The following ZCCHC7 variants were observed in gnomAD, a reference collection of about 807,000 sequenced individuals.
ZCCHC7 encodes zinc finger CCHC domain-containing protein 7.
A neutral mutation model predicts 52.0 loss-of-function variants in ZCCHC7; 35 were observed. That is an observed-to-expected ratio of 0.67 (90% CI 0.51 to 0.89). The LOEUF is 0.89. ZCCHC7 is among the 40% of genes least tolerant of loss of function. The pLI is 0.00. For missense variants in ZCCHC7, 574 were observed against 649.1 expected (o/e 0.88, Z 1.26); for synonymous variants, 217 against 221.5 (o/e 0.98, Z 0.18).
intron 2 of ZCCHC7, among the ~76,000 whole-genome samples, chr9:37,229,896 C>G (rs1825315372): frequency 6.6e-6 from 1 of 152,172 alleles, no homozygotes; most frequent in Non-Finnish European, 1.5e-5. Context: ...TATCCTTATT[C>G]TATAAGCTTT....
At chr9:37,339,701 A>C (rs1564265420) in intron 6 of ZCCHC7, among the ~76,000 whole-genome samples, 1 of 152,196 alleles carries the variant, frequency 6.6e-6, no homozygotes. Context: ...TTGCTTTTTA[A>C]TATATGTCAT....
intron 2 of ZCCHC7, among the ~76,000 whole-genome samples, chr9:37,196,701 C>G (rs1366468941): frequency 7.2e-5 from 11 of 151,944 alleles, no homozygotes; most frequent in Admixed American, 7.2e-4. Flanking sequence ...TAACTTTTTG[C>G]CCTGTGTTCA....
At chr9:37,338,518 A>G (rs771203728) in intron 6 of ZCCHC7, among the ~76,000 whole-genome samples, 3 of 152,206 alleles carry the variant, frequency 2.0e-5, no homozygotes, top group Non-Finnish European at 4.4e-5. Flanking sequence ...CCATTGGTTT[A>G]TAAAATTTCA....
chr9:37,310,806 A>G (rs1408900072), intron 5 of ZCCHC7, among the ~76,000 whole-genome samples: 1 of 151,884 alleles, frequency 6.6e-6, no homozygotes, highest in East Asian at 1.9e-4. Context: ...AAAATTTAAA[A>G]ATTAGCCAGG....
intron 2 of ZCCHC7, among the ~76,000 whole-genome samples, chr9:37,282,829 G>C (rs934594074): frequency 6.6e-6 from 1 of 151,016 alleles, no homozygotes; most frequent in African/African-American, 2.4e-5. Flanking sequence ...AAAAAAAGGC[G>C]GGGGGAGTGA....
At chr9:37,184,290 G>A (rs1291665150) in intron 2 of ZCCHC7, among the ~76,000 whole-genome samples, 4 of 151,574 alleles carry the variant, frequency 2.6e-5, no homozygotes, top group Non-Finnish European at 5.9e-5. Flanking sequence ...TATATCATCT[G>A]ATGATTCAGG....
chr9:37,354,469 G>A lies in ZCCHC7; in HGVS notation c.1084-241G>A, dbSNP rs547090546. Reference sequence around the variant, plus strand: ...GGCAGAAAAGGCTGAAAAAAGATACGAAGGGTTTCATAGGTAAAGAAGTAA... The same window carrying A: ...GGCAGAAAAGGCTGAAAAAAGATACAAAGGGTTTCATAGGTAAAGAAGTAA... On this transcript the variant is annotated intron_variant, in intron 7 of 8. Coordinates refer to ENST00000336755, the MANE Select transcript of ZCCHC7 (RefSeq NM_032226.3). This position sits in a 1 kb window ranked among gnomAD's most constrained non-coding sequence, Gnocchi z 4.0. Among the ~76,000 whole-genome samples the A allele has an allele frequency of 5.3e-5, 8 of 152,288 alleles. No homozygotes were observed. The highest frequency in any genetic ancestry group is 2.1e-4 in the South Asian group (1 of 4,830).
At chr9:37,324,735 C>A (rs1167477708) in intron 5 of ZCCHC7, among the ~76,000 whole-genome samples, 1 of 152,128 alleles carries the variant, frequency 6.6e-6, no homozygotes, top group African/African-American at 2.4e-5. Context: ...GTGTTCCCAG[C>A]AGGGCTGCGT....
intron 2 of ZCCHC7, among the ~76,000 whole-genome samples, chr9:37,228,980 C>T (rs953502859): frequency 3.3e-5 from 5 of 151,540 alleles, no homozygotes; most frequent in South Asian, 2.1e-4. Flanking sequence ...GGACTATAGG[C>T]GCCTGCCACC....
intron 4 of ZCCHC7, among the ~76,000 whole-genome samples, chr9:37,304,690 A>G (rs576586356): frequency 5.9e-5 from 9 of 152,126 alleles, no homozygotes; most frequent in Non-Finnish European, 8.8e-5. Context: ...GTGAAACCCT[A>G]TAACCTTAGA....
Position 37,126,327 on chromosome 9 carries a change from CTT to C in ZCCHC7, c.-2_-1del, listed in dbSNP as rs1226914055. The stretch of plus-strand genomic sequence containing the variant: ...TCTTTTGCAGCTTCAAGGTTACTGA[CTT>C]TTTATGATGTTTGGTGGCTATGAGA... On this transcript the variant is annotated 5_prime_UTR_variant, in exon 2 of 9. Coordinates refer to ENST00000336755, the MANE Select transcript of ZCCHC7 (RefSeq NM_032226.3). The C allele has an allele frequency of 2.5e-6, 4 of 1,605,586 alleles. No individual in the cohort carries two copies. In the African/African-American group the frequency reaches 5.4e-5, roughly 22 times the overall value.
intron 8 of ZCCHC7, among the ~76,000 whole-genome samples, chr9:37,356,052 C>T (rs756247976): frequency 5.3e-5 from 8 of 151,832 alleles, no homozygotes; most frequent in Admixed American, 2.0e-4. Context: ...CTAGTTGTAT[C>T]GACGTCTGTA....
At chr9:37,120,183 C>A (rs1218916070), upstream of ZCCHC7, among the ~76,000 whole-genome samples, 1 of 152,170 alleles carries the variant, frequency 6.6e-6, no homozygotes, top group Non-Finnish European at 1.5e-5. Flanking sequence ...CACCGAGCGC[C>A]AGGGAGAAGG....
chr9:37,327,300 T>C (rs2118156678), intron 5 of ZCCHC7: 1 of 151,588 alleles, frequency 6.6e-6, no homozygotes, highest in Admixed American at 6.6e-5. Context: ...TTTAATTCTC[T>C]TTCTTATAGA....
intron 2 of ZCCHC7, among the ~76,000 whole-genome samples, chr9:37,236,414 T>C (rs1825652844): frequency 6.6e-6 from 1 of 151,332 alleles, no homozygotes; most frequent in East Asian, 1.9e-4. Context: ...GCTATCAGAT[T>C]TTTTTTTTGC....
At chr9:37,120,830 G>GC (rs3832611) in intron 1 of ZCCHC7, 89,628 of 269,000 alleles carry the variant, frequency 0.33, 15,663 homozygotes, top group Middle Eastern at 0.42. Context: ...TAGGGGGTCC[G>GC]CGTCTCCCTG....
At chr9:37,294,090 A>G (rs1039204086) in intron 2 of ZCCHC7, among the ~76,000 whole-genome samples, 2 of 152,206 alleles carry the variant, frequency 1.3e-5, no homozygotes, top group African/African-American at 4.8e-5. Context: ...TTTAATGACT[A>G]AAACAGTTTT....
Position 37,318,209 on chromosome 9 carries a change from G to A in ZCCHC7, c.952-9590G>A, listed in dbSNP as rs564137754. ...ATAATGGGATTTATTCAGCCGTTTC[G>A]AAAATGATATAAAAGGCCGGGCGCA... On this transcript the variant is annotated intron_variant, in intron 5 of 8. Coordinates refer to ENST00000336755, the MANE Select transcript of ZCCHC7 (RefSeq NM_032226.3). Among the ~76,000 whole-genome samples the A allele has an allele frequency of 5.9e-5, 9 of 151,842 alleles. 1 individual carries two copies. Among genetic ancestry groups the A allele is most frequent in the South Asian group, 4.2e-4 (2 of 4,808 alleles).
chr9:37,167,759 T>G (rs556518849), intron 2 of ZCCHC7, among the ~76,000 whole-genome samples: 1 of 152,334 alleles, frequency 6.6e-6, no homozygotes, highest in Non-Finnish European at 1.5e-5. Context: ...GAAACAAGAA[T>G]GTTTGGGGCT....
Sources: allele counts gnomAD v4.1 joint callset (sites outside exome capture counted in the v4.1 genomes callset), GRCh38; gene constraint gnomAD v4.1.1; non-coding constraint Gnocchi (gnomAD v3.1); transcripts MANE v1.5; gene names NCBI Gene and HGNC (gene_info 2026-07-23, HGNC 2026-07-21).